Variants in PTPRT observed in about 807,000 individuals in gnomAD.
PTPRT encodes receptor-type tyrosine-protein phosphatase T.
Under a neutral mutation model 176.8 loss-of-function variants are expected in PTPRT, and 56 were observed. The observed-to-expected ratio is 0.32, with a 90% confidence interval of 0.26 to 0.40. The LOEUF (loss-of-function observed/expected upper bound fraction) is 0.40. Ranked by LOEUF, PTPRT falls within the 10% of genes least tolerant of loss-of-function variation. PTPRT has a pLI of 1.00. For missense variants in PTPRT, 1,540 were observed against 1,908.2 expected (o/e 0.81, Z 3.60); for synonymous variants, 783 against 739.0 (o/e 1.06, Z -0.96).
intron 9 of PTPRT, among the ~76,000 whole-genome samples, chr20:42,421,453 G>A (rs546887298): frequency 3.0e-4 from 45 of 152,206 alleles, no homozygotes; most frequent in African/African-American, 1.0e-3. Flanking sequence ...ACCAGGAGAC[G>A]TTGACAGTCA....
chr20:42,168,498 T>C (rs1989929481), intron 16 of PTPRT, among the ~76,000 whole-genome samples: 3 of 152,290 alleles, frequency 2.0e-5, no homozygotes, highest in Non-Finnish European at 1.5e-5. Context: ...GATAATAAAC[T>C]TGTAACAGCT....
Position 42,915,136 on chromosome 20 carries a change from G to A in PTPRT, c.89-29204C>T, listed in dbSNP as rs545852174. ...GTGCTAATGTCGTTGTTAATGTTTC[G>A]TGGTCAGAGCAAAGAGAAAATCACT... On this transcript the variant is annotated intron_variant, in intron 1 of 30. Transcript: ENST00000373187. Among the ~76,000 whole-genome samples the A allele has an allele frequency of 6.6e-5, 10 of 152,322 alleles. No individual in the cohort carries two copies. In the South Asian group the frequency reaches 1.2e-3, roughly 19 times the overall value.
intron 5 of PTPRT, among the ~76,000 whole-genome samples, chr20:42,757,719 T>C (rs539559051): frequency 6.6e-6 from 1 of 152,348 alleles, no homozygotes; most frequent in Admixed American, 6.5e-5. Flanking sequence ...CCCAAGTTGG[T>C]AGACATCTCT....
At chr20:42,649,261 T>C (rs1171091074) in intron 7 of PTPRT, among the ~76,000 whole-genome samples, 2 of 152,122 alleles carry the variant, frequency 1.3e-5, no homozygotes, top group South Asian at 4.1e-4. Flanking sequence ...AACTCCTTTT[T>C]ATAAAACCAT....
chr20:42,630,792 A>G (rs1394716117), intron 7 of PTPRT, among the ~76,000 whole-genome samples: 2 of 152,182 alleles, frequency 1.3e-5, no homozygotes, highest in South Asian at 2.1e-4. Flanking sequence ...CACAATGACC[A>G]TCATGACATC....
chr20:42,139,426 G>T (rs973120434), intron 18 of PTPRT, among the ~76,000 whole-genome samples: 1 of 152,222 alleles, frequency 6.6e-6, no homozygotes, highest in African/African-American at 2.4e-5. Flanking sequence ...TAGGAAAGGG[G>T]TGATGTACGA....
chr20:42,380,831 A>T (rs1396136245), intron 9 of PTPRT, among the ~76,000 whole-genome samples: 1 of 152,174 alleles, frequency 6.6e-6, no homozygotes, highest in Non-Finnish European at 1.5e-5. Context: ...TGCTATAAAG[A>T]AATACCTAAA....
At chr20:42,812,654 A>G (rs987083739) in intron 2 of PTPRT, among the ~76,000 whole-genome samples, 1 of 152,124 alleles carries the variant, frequency 6.6e-6, no homozygotes, top group Admixed American at 6.5e-5. Context: ...GAGGCAAAAT[A>G]GCATCATTCT....
intron 7 of PTPRT, among the ~76,000 whole-genome samples, chr20:42,508,757 G>A (rs958763835): frequency 1.3e-5 from 2 of 151,566 alleles, no homozygotes; most frequent in Middle Eastern, 6.8e-3. Flanking sequence ...CTCTAAACAG[G>A]TGAGCTATTA....
chr20:42,083,243 G>C (rs947931040), intron 29 of PTPRT, among the ~76,000 whole-genome samples: 1 of 152,072 alleles, frequency 6.6e-6, no homozygotes, highest in East Asian at 1.9e-4. Flanking sequence ...AAAAGGAAGA[G>C]GTGAGTAGAC....
intron 2 of PTPRT, among the ~76,000 whole-genome samples, chr20:42,870,910 T>C (rs559628596): frequency 3.3e-3 from 500 of 152,250 alleles, no homozygotes; most frequent in Non-Finnish European, 5.4e-3. Context: ...TGGTTTTGAT[T>C]TGTATTTCTC....
chr20:42,313,228 C>A (rs1454099768), intron 12 of PTPRT, among the ~76,000 whole-genome samples: 1 of 152,158 alleles, frequency 6.6e-6, no homozygotes, highest in Non-Finnish European at 1.5e-5. Context: ...GAATAATCCA[C>A]CCTTGTTTAG....
chr20:42,584,047 T>C (rs1280352759), intron 7 of PTPRT, among the ~76,000 whole-genome samples: 1 of 152,156 alleles, frequency 6.6e-6, no homozygotes, highest in Non-Finnish European at 1.5e-5. Flanking sequence ...CCTGCCAAGG[T>C]GTCAATGTGA....
intron 1 of PTPRT, among the ~76,000 whole-genome samples, chr20:42,953,645 G>T (rs73273629): frequency 0.073 from 11,103 of 152,170 alleles, 1,173 homozygotes; most frequent in African/African-American, 0.23. Flanking sequence ...AGAAGAGTCA[G>T]CCATCTAAAG....
At chr20:42,519,555 A>T (rs1482730471) in intron 7 of PTPRT, among the ~76,000 whole-genome samples, 1 of 152,122 alleles carries the variant, frequency 6.6e-6, no homozygotes, top group Non-Finnish European at 1.5e-5. Flanking sequence ...GAATTAAAAA[A>T]TTACTAATCT....
chr20:42,687,654 G>A (rs1193064071), intron 6 of PTPRT: 1 of 152,130 alleles, frequency 6.6e-6, no homozygotes, highest in Non-Finnish European at 1.5e-5. Context: ...CATGCTTCAG[G>A]AGCACCTTGT....
intron 11 of PTPRT, among the ~76,000 whole-genome samples, chr20:42,350,214 GTTTTTTTTTTT>G (rs764181357): frequency 6.9e-5 from 4 of 58,290 alleles, no homozygotes; most frequent in Admixed American, 1.9e-4. Context: ...GATGTTTCTT[GTTTTTTTTTTT>G]TTTTTTTTTT....
chr20:42,402,483 TAAAAA>T (rs3061921), intron 9 of PTPRT, among the ~76,000 whole-genome samples: 8 of 95,158 alleles, frequency 8.4e-5, no homozygotes, highest in East Asian at 6.2e-4. Flanking sequence ...ATAGTGCAGT[TAAAAA>T]AAAAAAAAAA....
intron 1 of PTPRT, among the ~76,000 whole-genome samples, chr20:43,020,338 C>T (rs1448203205): frequency 6.6e-6 from 1 of 150,850 alleles, no homozygotes; most frequent in Non-Finnish European, 1.5e-5. Flanking sequence ...TATTATGATC[C>T]CTTTTAAGAA....
Sources: allele counts gnomAD v4.1 joint callset (sites outside exome capture counted in the v4.1 genomes callset), GRCh38; gene constraint gnomAD v4.1.1; transcripts MANE v1.5; gene names NCBI Gene and HGNC (gene_info 2026-07-23, HGNC 2026-07-21).